The following KIAA0825 variants were observed in gnomAD, a reference collection of about 807,000 sequenced individuals.
The protein encoded by KIAA0825 is KIAA0825, also known as uncharacterized protein KIAA0825.
A neutral mutation model predicts 147.6 loss-of-function variants in KIAA0825; 119 were observed. That is an observed-to-expected ratio of 0.81 (90% confidence interval 0.69 to 0.94). The LOEUF (loss-of-function observed/expected upper bound fraction) is 0.94, where lower values mean the gene tolerates loss of function less well. Ranked by LOEUF, KIAA0825 falls within the 40% of genes least tolerant of loss-of-function variation. KIAA0825 has a pLI of 0.00. For missense variants in KIAA0825, 1,381 were observed against 1,472.7 expected (o/e 0.94, Z 1.02); for synonymous variants, 470 against 518.1 (o/e 0.91, Z 1.26).
At chr5:94,252,902 A>C (rs1366424860) in intron 20 of KIAA0825, among the ~76,000 whole-genome samples, 1 of 152,088 alleles carries the variant, frequency 6.6e-6, no homozygotes, top group South Asian at 2.1e-4. Context: ...TTACTACAGC[A>C]TAACTACCTT....
At chr5:94,537,512 G>A (rs1016377534) in intron 2 of KIAA0825, among the ~76,000 whole-genome samples, 19 of 151,960 alleles carry the variant, frequency 1.3e-4, no homozygotes, top group African/African-American at 3.4e-4. Flanking sequence ...CTAGTCAGGC[G>A]TGATGGTGGG....
chr5:94,458,977 C>A (rs957392113), intron 12 of KIAA0825, among the ~76,000 whole-genome samples: 1 of 152,116 alleles, frequency 6.6e-6, no homozygotes, highest in Admixed American at 6.6e-5. Flanking sequence ...TGTCACTCCC[C>A]ATTCCCTCCT....
chr5:94,235,901 T>C (rs901873059), intron 20 of KIAA0825, among the ~76,000 whole-genome samples: 22 of 152,220 alleles, frequency 1.4e-4, no homozygotes, highest in Admixed American at 1.3e-3. Context: ...CTGAATATTT[T>C]AAATCCACTG....
intron 5 of KIAA0825, among the ~76,000 whole-genome samples, chr5:94,490,657 T>G (rs1479856931): frequency 6.6e-6 from 1 of 152,020 alleles, no homozygotes; most frequent in Non-Finnish European, 1.5e-5. Flanking sequence ...TTTAAAAAAG[T>G]CTTCTTCTCT....
intron 3 of KIAA0825, among the ~76,000 whole-genome samples, chr5:94,534,577 T>C (rs1771585825): frequency 1.3e-5 from 2 of 152,210 alleles, no homozygotes; most frequent in South Asian, 2.1e-4. Flanking sequence ...AAAAATTATA[T>C]CCTATGTTCC....
At position 94,332,160 on chromosome 5, in the gene KIAA0825, C is replaced by CAA. The variant is rs34035583; in HGVS notation, c.3710+52206_3710+52207dup. 2.0e-3 allele frequency among the ~76,000 whole-genome samples: 189 copies of CAA among 93,874 alleles called. 1 individual carries two copies. The highest frequency in any genetic ancestry group is 3.5e-3 in the Non-Finnish European group (162 of 46,888). 61.6% of individuals were successfully genotyped at this position (93,874 alleles called of 152,430 possible). A position where few individuals can be genotyped will look rare whatever the true frequency, so the allele number is the denominator to read the frequency against. On this transcript the variant is annotated intron_variant, in intron 20 of 20. Coordinates refer to ENST00000682413, the MANE Select transcript of KIAA0825 (RefSeq NM_001145678.3). ...TGGGCGACAGACTGAGACTCCATCTCAAAAAAAAAAAAAAAAAAGAAAAGA... is the reference window on the plus strand; with the variant it reads ...TGGGCGACAGACTGAGACTCCATCTCAAAAAAAAAAAAAAAAAAAAGAAAAGA...
chr5:94,436,316 G>GTTGAGTTGATTTCTGTATATAGTGAAA (rs1346760790), intron 14 of KIAA0825, among the ~76,000 whole-genome samples: 3 of 152,126 alleles, frequency 2.0e-5, no homozygotes, highest in Non-Finnish European at 4.4e-5. Flanking sequence ...GTGTAAGGAA[G>GTTGAGTTGATTTCTGTATATAGTGAAA]GGGTCCACTT....
chr5:94,596,370 T>C (rs994074810), intron 1 of KIAA0825, among the ~76,000 whole-genome samples: 11 of 152,224 alleles, frequency 7.2e-5, no homozygotes, highest in African/African-American at 2.7e-4. Context: ...TTGTCAACTT[T>C]GACAAAGATC....
chr5:94,238,948 C>T (rs1775209319), intron 20 of KIAA0825, among the ~76,000 whole-genome samples: 1 of 152,166 alleles, frequency 6.6e-6, no homozygotes, highest in South Asian at 2.1e-4. Context: ...CACTATATAA[C>T]ATAAAGAAAG....
chr5:94,370,157 C>CA lies in KIAA0825; in HGVS notation c.3710+14210dup, dbSNP rs760491020. 5.9e-4 allele frequency among the ~76,000 whole-genome samples: 89 copies of CA among 149,938 alleles called. 1 individual carries two copies. The South Asian group carries it at 0.015, about 26-fold the overall frequency. ...AACCATACAATGAACTACTATTATACAAAAAAAATAAAAAAAAAAGGACAA... is the reference window on the plus strand; with the variant it reads ...AACCATACAATGAACTACTATTATACAAAAAAAAATAAAAAAAAAAGGACAA... On this transcript the variant is annotated intron_variant, in intron 20 of 20. Transcript: ENST00000682413.
At chr5:94,233,927 T>C (rs1217066813) in intron 20 of KIAA0825, among the ~76,000 whole-genome samples, 1 of 152,362 alleles carries the variant, frequency 6.6e-6, no homozygotes. Context: ...TTTTTGTTTT[T>C]ATCTAATGAC....
chr5:94,577,667 A>T (rs1181610969), intron 2 of KIAA0825, among the ~76,000 whole-genome samples: 1 of 152,194 alleles, frequency 6.6e-6, no homozygotes, highest in Admixed American at 6.5e-5. Context: ...ACATAGGTAT[A>T]TTTCTGAAAA....
intron 14 of KIAA0825, 97 bp downstream of exon 14, chr5:94,439,885 A>G: frequency 7.9e-7 from 1 of 1,271,026 alleles, no homozygotes; most frequent in East Asian, 2.6e-5. Flanking sequence ...CTATTGGTTT[A>G]CATCTTTCTT....
intron 6 of KIAA0825, among the ~76,000 whole-genome samples, chr5:94,483,793 G>A (rs1379670651): frequency 5.3e-5 from 8 of 151,572 alleles, no homozygotes; most frequent in East Asian, 3.9e-4. Context: ...CATTACTTAC[G>A]TGGGCAAAGT....
intron 2 of KIAA0825, among the ~76,000 whole-genome samples, chr5:94,551,893 A>G (rs1485455709): frequency 2.0e-5 from 3 of 152,106 alleles, no homozygotes; most frequent in African/African-American, 7.2e-5. Context: ...AATAAACAAG[A>G]AAATAATACA....
At chr5:94,430,505 C>G (rs148020168) in intron 14 of KIAA0825, among the ~76,000 whole-genome samples, 3 of 152,280 alleles carry the variant, frequency 2.0e-5, no homozygotes, top group African/African-American at 7.2e-5. Flanking sequence ...CTTAAAACAT[C>G]AAGTGCGCAA....
At chr5:94,202,769 G>C (rs1414612189) in intron 20 of KIAA0825, among the ~76,000 whole-genome samples, 1 of 152,122 alleles carries the variant, frequency 6.6e-6, no homozygotes, top group Admixed American at 6.6e-5. Context: ...TAGCAGTTTT[G>C]TTGTGAACAT....
At chr5:94,195,024 A>C (rs1445875493) in intron 20 of KIAA0825, among the ~76,000 whole-genome samples, 1 of 152,198 alleles carries the variant, frequency 6.6e-6, no homozygotes, top group Non-Finnish European at 1.5e-5. Flanking sequence ...AACGGTGCTG[A>C]GTTTAAGAGA....
At chr5:94,233,316 T>A (rs928398240) in intron 20 of KIAA0825, among the ~76,000 whole-genome samples, 3 of 152,186 alleles carry the variant, frequency 2.0e-5, no homozygotes, top group African/African-American at 7.2e-5. Context: ...TCTTCTATAG[T>A]GATGAGGCAT....
Sources: allele counts gnomAD v4.1 joint callset (sites outside exome capture counted in the v4.1 genomes callset), GRCh38; gene constraint gnomAD v4.1.1; transcripts MANE v1.5; gene names NCBI Gene and HGNC (gene_info 2026-07-23, HGNC 2026-07-21).